NR2C2: variants seen among roughly 807,000 people sequenced by gnomAD.
NR2C2 encodes nuclear receptor subfamily 2 group C member 2.
A neutral mutation model predicts 62.9 loss-of-function variants in NR2C2; 6 were observed. That is an observed-to-expected ratio of 0.10 (90% confidence interval 0.05 to 0.19). NR2C2 has a LOEUF of 0.19. NR2C2 is among the 10% of genes least tolerant of loss of function. NR2C2 has a pLI of 1.00. For synonymous variants in NR2C2, 272 were observed against 273.8 expected, an observed-to-expected ratio of 0.99 and a Z score of 0.07; for missense variants, 479 against 762.7, an observed-to-expected ratio of 0.63 and a Z score of 4.38.
At chr3:14,955,199 C>G (rs910417773) in intron 1 of NR2C2, among the ~76,000 whole-genome samples, 5 of 152,066 alleles carry the variant, frequency 3.3e-5, no homozygotes, top group African/African-American at 4.8e-5. Flanking sequence ...ATTGTTCTCA[C>G]TATTTTAATT....
In NR2C2 at chr3:14,968,600, A is replaced by G. The variant is rs370814014; in HGVS notation, c.-40+20694A>G. Among the ~76,000 whole-genome samples, 416 of 148,816 alleles carry G rather than the reference A, an allele frequency of 2.8e-3. 2 individuals are homozygous for G. The highest frequency in any genetic ancestry group is 6.8e-3 in the Middle Eastern group (2 of 292). ...GGCGATTCCTCAGGGATCTAGAACT[A>G]GAAATACCATTTGACCCAGCCATCC... On this transcript the variant is annotated intron_variant, in intron 1 of 13. Coordinates refer to ENST00000425241, the MANE Select transcript of NR2C2 (RefSeq NM_001291694.2).
At chr3:14,973,843 T>C (rs925355569) in intron 1 of NR2C2, among the ~76,000 whole-genome samples, 1 of 152,214 alleles carries the variant, frequency 6.6e-6, no homozygotes, top group Non-Finnish European at 1.5e-5. Flanking sequence ...AGTACGGATG[T>C]TCCTTGGTTT....
chr3:15,003,923 C>T lies in NR2C2; in HGVS notation c.9C>T (p.Ser3=). ...GGCCGGAATCTCCAGGGATGACCAGCCCCTCCCCACGCATCCAGATAATCT... is the reference window on the plus strand; with the variant it reads ...GGCCGGAATCTCCAGGGATGACCAGTCCCTCCCCACGCATCCAGATAATCT... MT[S]PSPRIQIIST... is the part of the protein sequence containing the mutation. The change falls in exon 2 of 14, where the codon AGC becomes AGT. Residue 3 remains serine, a synonymous_variant. Coordinates refer to ENST00000425241, the MANE Select transcript of NR2C2 (RefSeq NM_001291694.2). The T allele has an allele frequency of 6.2e-7, 1 of 1,613,870 alleles. No individual in the cohort carries two copies. The highest frequency in any genetic ancestry group is 8.5e-7 in the Non-Finnish European group (1 of 1,179,880).
At chr3:15,009,377 C>G (rs2041286586) in intron 2 of NR2C2, among the ~76,000 whole-genome samples, 1 of 152,160 alleles carries the variant, frequency 6.6e-6, no homozygotes, top group African/African-American at 2.4e-5. Context: ...TGACTCATAC[C>G]ATGTGCACTG....
In NR2C2 at chr3:15,023,235, C is replaced by T; in HGVS notation, c.592C>T (p.Arg198Trp). 6.2e-7 allele frequency: 1 copy of T among 1,614,188 alleles called. No homozygotes were observed. The highest frequency in any genetic ancestry group is 8.5e-7 in the Non-Finnish European group (1 of 1,180,010). Residue 198 changes from arginine (R) to tryptophan (W), a missense_variant, in exon 6 of 14, where the codon CGG (arginine) becomes TGG (tryptophan). Arg to Trp is a moderately radical substitution (Grantham distance 101). Coordinates refer to ENST00000425241, the MANE Select transcript of NR2C2 (RefSeq NM_001291694.2). The stretch of plus-strand genomic sequence containing the variant: ...TGAACGGAAGCCCTTCGATGTGCAA[C>T]GGGAGAAACCAAGCAATTGTGCTGC... ...QSERKPFDVQ[R>W]EKPSNCAAST...
chr3:14,981,281 A>G (rs571329578), intron 1 of NR2C2, among the ~76,000 whole-genome samples: 14 of 152,126 alleles, frequency 9.2e-5, no homozygotes, highest in Non-Finnish European at 1.9e-4. Flanking sequence ...AGACCGGACA[A>G]TATGGTGAAA....
chr3:15,027,754 C>T (rs894632864), intron 7 of NR2C2, among the ~76,000 whole-genome samples: 2 of 152,042 alleles, frequency 1.3e-5, no homozygotes, highest in African/African-American at 2.4e-5. Context: ...CACACCACCA[C>T]GCCTGGCTAA....
Position 15,016,203 on chromosome 3 carries a change from C to T in NR2C2, c.325C>T (p.Gln109Ter). 1 of 1,614,108 alleles carries T rather than the reference C, an allele frequency of 6.2e-7. No homozygotes were observed. The highest frequency in any genetic ancestry group is 8.5e-7 in the Non-Finnish European group (1 of 1,180,000). The change falls in exon 4 of 14, where the codon CAG (glutamine) becomes TAG (stop). Residue 109 changes from glutamine to a stop codon, truncating the protein, a stop_gained. Coordinates refer to ENST00000425241, the MANE Select transcript of NR2C2 (RefSeq NM_001291694.2). LOFTEE classifies it high-confidence loss of function. Reference sequence around the variant, plus strand: ...GCGTTTACTGGGGAAGACGGACGTCCAGCGGCCCCAGGTGGTAGAGTACTG... The same window carrying T: ...GCGTTTACTGGGGAAGACGGACGTCTAGCGGCCCCAGGTGGTAGAGTACTG... ...VERLLGKTDV[Q>*]RPQVVEYCVV...
chr3:15,000,879 A>G (rs935291715), intron 1 of NR2C2, among the ~76,000 whole-genome samples: 3 of 149,848 alleles, frequency 2.0e-5, no homozygotes, highest in Admixed American at 6.7e-5. Flanking sequence ...CAGTGGCACA[A>G]TGTCGGCTCA....
At chr3:15,022,768 G>A (rs1400784591) in intron 5 of NR2C2, among the ~76,000 whole-genome samples, 2 of 152,188 alleles carry the variant, frequency 1.3e-5, no homozygotes, top group East Asian at 1.9e-4. Context: ...GCTTATGCCT[G>A]TAATTCCAGC....
intron 1 of NR2C2, among the ~76,000 whole-genome samples, chr3:14,954,985 C>T (rs1275922740): frequency 6.6e-6 from 1 of 152,084 alleles, no homozygotes; most frequent in Non-Finnish European, 1.5e-5. Context: ...CGTGTGCCAC[C>T]ATGCCCAGCT....
At chr3:15,037,977 G>C in intron 11 of NR2C2, 23 bp from the exon 12 acceptor site, 1 of 1,606,288 alleles carries the variant, frequency 6.2e-7, no homozygotes, top group Non-Finnish European at 8.5e-7. Context: ...GCCTTTCTCA[G>C]GATCTGTGAT....
intron 1 of NR2C2, among the ~76,000 whole-genome samples, chr3:14,971,670 A>G (rs1459911286): frequency 6.6e-6 from 1 of 151,828 alleles, no homozygotes; most frequent in African/African-American, 2.4e-5. Flanking sequence ...GTTTTTTGAT[A>G]AAAGCTACCC....
intron 1 of NR2C2, among the ~76,000 whole-genome samples, chr3:14,995,360 C>T (rs1436717395): frequency 6.6e-6 from 1 of 150,922 alleles, no homozygotes; most frequent in Non-Finnish European, 1.5e-5. Flanking sequence ...TAGCTCTCAC[C>T]CCCCAGCCCT....
At position 15,044,385 on chromosome 3, in the gene NR2C2, C is replaced by T. The variant is rs910471819; in HGVS notation, c.*1377C>T. The T allele has an allele frequency of 6.6e-6, 1 of 152,166 alleles. No individual in the cohort carries two copies. Among genetic ancestry groups the T allele is most frequent in the Non-Finnish European group, 1.5e-5 (1 of 68,032 alleles). The allele number at this position is 152,166 out of a possible 1,614,324, so 9.4% of individuals were successfully genotyped here. ...AGGCTGCTTGCTCCTTAAAAACAAC[C>T]CTCAATTTCCAGGGTGATAGTCTTT... On this transcript the variant is annotated 3_prime_UTR_variant, in exon 14 of 14. Transcript: ENST00000425241.
chr3:14,980,354 G>T (rs1488298309), intron 1 of NR2C2, among the ~76,000 whole-genome samples: 1 of 151,838 alleles, frequency 6.6e-6, no homozygotes, highest in Non-Finnish European at 1.5e-5. Flanking sequence ...GTAGAGACAG[G>T]AACTCACTAT....
At chr3:15,037,560 A>G (rs1483546128) in intron 11 of NR2C2, among the ~76,000 whole-genome samples, 1 of 152,242 alleles carries the variant, frequency 6.6e-6, no homozygotes, top group Non-Finnish European at 1.5e-5. Flanking sequence ...CCTGGGCAAC[A>G]TAGTAAGACA....
intron 11 of NR2C2, 95 bp downstream of exon 11, chr3:15,034,904 GAC>G: frequency 7.6e-7 from 1 of 1,319,920 alleles, no homozygotes; most frequent in South Asian, 1.5e-5. Context: ...TCATGTCAAA[GAC>G]ACCTTTGTTG....
At chr3:14,950,980 A>G (rs1342037926) in intron 1 of NR2C2, among the ~76,000 whole-genome samples, 1 of 152,260 alleles carries the variant, frequency 6.6e-6, no homozygotes, top group Non-Finnish European at 1.5e-5. Context: ...AATATGGATA[A>G]AATGACCCAT....
Sources: gnomAD v4.1 joint callset for allele counts (sites outside exome capture counted in the v4.1 genomes callset) on GRCh38, gnomAD v4.1.1 for gene constraint, MANE v1.5 for transcripts, NCBI Gene and HGNC (gene_info 2026-07-23, HGNC 2026-07-21) for gene names.